The following POLN variants were observed in gnomAD, a reference collection of about 807,000 sequenced individuals.
POLN encodes the protein DNA polymerase nu, also known as DNA polymerase N.
POLN carries 108 observed loss-of-function variants against 113.5 expected under a neutral mutation model. The ratio of observed to expected loss-of-function variants is 0.95; its 90% CI spans 0.81 to 1.12. The LOEUF (loss-of-function observed/expected upper bound fraction) is 1.12, where lower values mean the gene tolerates loss of function less well. Ranked by LOEUF, POLN falls within the 50% of genes most tolerant of loss-of-function variation. POLN has a pLI of 0.00. For missense variants in POLN, 1,097 were observed against 1,077.1 expected, an observed-to-expected ratio of 1.02 and a Z score of -0.26; for synonymous variants, 386 against 391.5, an observed-to-expected ratio of 0.99 and a Z score of 0.17.
rs144804114 is a variant in POLN, at chr4:2,229,123, T to C, written c.109A>G (p.Lys37Glu). 1.9e-6 allele frequency: 3 copies of C among 1,609,380 alleles called. No individual in the cohort carries two copies. The highest frequency in any genetic ancestry group is 2.6e-6 in the Non-Finnish European group (3 of 1,176,274). Residue 37 changes from lysine to glutamate, a missense_variant, in exon 3 of 26, where the codon AAG becomes GAG. Coordinates refer to ENST00000511885, the MANE Select transcript of POLN (RefSeq NM_181808.4). The stretch of plus-strand genomic sequence containing the variant: ...CTCTCTGTACTCTTTCCCCAAGTCT[T>C]AGAATCCACTAAATCACCTGAATGC... ...AMHSGDLVDS[K>E]TWGKSTETME... is the part of the protein sequence containing the mutation.
chr4:2,141,432 C>T (rs901635063), intron 16 of POLN, among the ~76,000 whole-genome samples: 1 of 152,160 alleles, frequency 6.6e-6, no homozygotes, highest in Non-Finnish European at 1.5e-5. Flanking sequence ...ACATACCCCC[C>T]GGCACCTGAA....
At chr4:2,083,124 C>T (rs78913954) in intron 21 of POLN, 2 of 152,250 alleles carry the variant, frequency 1.3e-5, no homozygotes, top group East Asian at 1.9e-4. Flanking sequence ...TGCCTAGTCC[C>T]GTAGCGTTTC....
intron 19 of POLN, among the ~76,000 whole-genome samples, chr4:2,115,208 C>A (rs1731285624): frequency 8.4e-6 from 1 of 119,256 alleles, no homozygotes; most frequent in African/African-American, 3.0e-5. Flanking sequence ...ACCACCACAG[C>A]TATATATATA....
chr4:2,085,696 G>C lies in POLN; in HGVS notation c.2114C>G (p.Ala705Gly), dbSNP rs1730532936. 1.2e-5 allele frequency: 20 copies of C among 1,613,922 alleles called. No homozygotes were observed. The East Asian group carries it at 4.2e-4, about 34-fold the overall frequency. Residue 705 changes from alanine to glycine, a missense_variant, in exon 21 of 26, where the codon GCC (alanine) becomes GGC (glycine). Transcript: ENST00000511885. ...ACLGVPIQEA[A>G]QFLESFLQKY... ...CTGCAAAAAACTCTCCAAAAACTGG[G>C]CAGCTTCCTGAATAGGAACTCCAAG...
intron 6 of POLN, among the ~76,000 whole-genome samples, chr4:2,193,993 A>G (rs1733516508): frequency 6.6e-6 from 1 of 152,152 alleles, no homozygotes; most frequent in African/African-American, 2.4e-5. Context: ...TGGGACTCAC[A>G]ATTGTTAAAA....
At chr4:2,124,381 C>T (rs1731525899) in intron 19 of POLN, among the ~76,000 whole-genome samples, 1 of 152,132 alleles carries the variant, frequency 6.6e-6, no homozygotes, top group Admixed American at 6.5e-5. Context: ...ATCCTCTCTC[C>T]TTAGCCTCCC....
chr4:2,218,641 A>G (rs1041683849), intron 3 of POLN, among the ~76,000 whole-genome samples: 1 of 152,294 alleles, frequency 6.6e-6, no homozygotes, highest in South Asian at 2.1e-4. Flanking sequence ...TGTCATCAAA[A>G]CAGTGGGTGG....
intron 16 of POLN, among the ~76,000 whole-genome samples, chr4:2,149,866 G>A (rs1732247024): frequency 6.6e-6 from 1 of 151,974 alleles, no homozygotes; most frequent in African/African-American, 2.4e-5. Context: ...GGCGGATCAC[G>A]AGGTCAGGAT....
intron 13 of POLN, among the ~76,000 whole-genome samples, chr4:2,165,432 G>C (rs1180506110): frequency 6.6e-6 from 1 of 152,218 alleles, no homozygotes; most frequent in Non-Finnish European, 1.5e-5. Flanking sequence ...GAGGGAGGGA[G>C]GAATAGGCAG....
chr4:2,226,305 T>C (rs1016526192), intron 3 of POLN, among the ~76,000 whole-genome samples: 4 of 152,196 alleles, frequency 2.6e-5, no homozygotes, highest in African/African-American at 7.2e-5. Context: ...GACTGAGCCA[T>C]GTAGTGTAAT....
chr4:2,183,330 C>T (rs772224565), intron 7 of POLN, among the ~76,000 whole-genome samples: 7 of 152,124 alleles, frequency 4.6e-5, no homozygotes, highest in Non-Finnish European at 1.0e-4. Flanking sequence ...GAAAATATGT[C>T]CACGCAAAGA....
intron 3 of POLN, chr4:2,227,320 C>G (rs536360721): frequency 7.2e-5 from 11 of 152,280 alleles, no homozygotes; most frequent in African/African-American, 2.6e-4. Flanking sequence ...TGTCAACAAC[C>G]ATGTGAGCTT....
intron 13 of POLN, among the ~76,000 whole-genome samples, chr4:2,165,777 A>G (rs1422072302): frequency 6.6e-6 from 1 of 152,062 alleles, no homozygotes; most frequent in Non-Finnish European, 1.5e-5. Flanking sequence ...AAAACTAAAA[A>G]ATAGTCTTTT....
intron 19 of POLN, among the ~76,000 whole-genome samples, chr4:2,122,066 C>G (rs1290048683): frequency 6.6e-6 from 1 of 152,058 alleles, no homozygotes. Flanking sequence ...CAGCTTTGGG[C>G]CCACTGAAGA....
chr4:2,204,109 C>CAAAAAA (rs566255148), intron 5 of POLN, among the ~76,000 whole-genome samples: 28 of 53,176 alleles, frequency 5.3e-4, no homozygotes, highest in South Asian at 8.7e-4. Context: ...AACTCTATCA[C>CAAAAAA]AAAAAAAAAA....
At chr4:2,105,504 A>T (rs953651283) in intron 19 of POLN, among the ~76,000 whole-genome samples, 9 of 152,176 alleles carry the variant, frequency 5.9e-5, no homozygotes, top group Non-Finnish European at 1.2e-4. Context: ...AATCTATAAG[A>T]AAAAAGAGAT....
intron 3 of POLN, among the ~76,000 whole-genome samples, chr4:2,218,377 G>A (rs1306758157): frequency 2.6e-5 from 4 of 152,022 alleles, no homozygotes; most frequent in Admixed American, 6.6e-5. Context: ...CCTGGAAGGC[G>A]GAGGTTGTGG....
At chr4:2,202,117 A>G (rs1214581961) in intron 5 of POLN, among the ~76,000 whole-genome samples, 2 of 152,178 alleles carry the variant, frequency 1.3e-5, no homozygotes, top group African/African-American at 4.8e-5. Flanking sequence ...AATACAATTA[A>G]AAAAACAAAA....
chr4:2,230,672 A>C (rs887619752), intron 2 of POLN: 1 of 152,002 alleles, frequency 6.6e-6, no homozygotes, highest in African/African-American at 2.4e-5. Context: ...GTTATAGCTA[A>C]AAAATTCCAT....
Sources: gnomAD v4.1 joint callset for allele counts (sites outside exome capture counted in the v4.1 genomes callset) on GRCh38, gnomAD v4.1.1 for gene constraint, MANE v1.5 for transcripts, NCBI Gene and HGNC (gene_info 2026-07-23, HGNC 2026-07-21) for gene names.